PRSS37: variants seen among roughly 807,000 people sequenced by gnomAD.
PRSS37 encodes the protein probable inactive serine protease 37.
In PRSS37, 25 loss-of-function variants were observed where a neutral mutation model predicts 28.0. The observed-to-expected ratio is 0.89, with a 90% CI of 0.65 to 1.25. The LOEUF is 1.25. PRSS37 is among the 50% of genes most tolerant of loss of function. The pLI is 0.00. For synonymous variants in PRSS37, 109 were observed against 107.8 expected (o/e 1.01, Z -0.07); for missense variants, 282 against 292.2 (o/e 0.97, Z 0.25).
intron 2 of PRSS37, 136 bp downstream of exon 2, chr7:141,839,201 GC>G: frequency 1.3e-6 from 1 of 782,768 alleles, no homozygotes; most frequent in Non-Finnish European, 2.1e-6. Flanking sequence ...CAATAGCACT[GC>G]CCCCTGGTTG....
intron 2 of PRSS37, chr7:141,838,447 G>T: frequency 2.5e-6 from 3 of 1,183,442 alleles, no homozygotes; most frequent in Non-Finnish European, 3.2e-6. Flanking sequence ...TGTCCATTTT[G>T]GTGGAGACCA....
chr7:141,839,065 A>G (rs12703412), intron 2 of PRSS37: 298,529 of 603,198 alleles, frequency 0.49, 76,044 homozygotes, highest in East Asian at 0.77. Context: ...ATAACATGTA[A>G]CACAGGGTTC....
chr7:141,839,245 G>A, intron 2 of PRSS37, 93 bp downstream of exon 2: 2 of 1,320,954 alleles, frequency 1.5e-6, no homozygotes, highest in Non-Finnish European at 1.1e-6. Context: ...ACATTGCCAA[G>A]TGTACCCTGT....
In PRSS37 at chr7:141,837,145, C is replaced by T. The variant is rs753224792; in HGVS notation, c.534G>A (p.Val178=). The T allele has an allele frequency of 1.7e-5, 27 of 1,612,752 alleles. No individual in the cohort carries two copies. The highest frequency in any genetic ancestry group is 2.7e-5 in the African/African-American group (2 of 74,862). ...QGKSHRNSLC[V]KFVKVFSRIF... is the part of the protein sequence containing the mutation. ...TTCGGCTGAATACTTTCACAAATTTCACACATAAGGAATTCCTGTGGCTTT... is the reference window on the plus strand; with the variant it reads ...TTCGGCTGAATACTTTCACAAATTTTACACATAAGGAATTCCTGTGGCTTT... The change falls in exon 4 of 5, where the codon GTG becomes GTA. Residue 178 remains valine (V), a synonymous_variant. Coordinates refer to ENST00000350549, the MANE Select transcript of PRSS37 (RefSeq NM_001008270.3).
chr7:141,839,126 G>A (rs755344105), intron 2 of PRSS37: 20 of 640,698 alleles, frequency 3.1e-5, no homozygotes, highest in Non-Finnish European at 4.8e-5. Context: ...TTTATTGTGG[G>A]GACTGTGCTG....
chr7:141,839,690 TATTC>T (rs1454570959), intron 1 of PRSS37, among the ~76,000 whole-genome samples: 3 of 152,146 alleles, frequency 2.0e-5, no homozygotes, highest in Non-Finnish European at 2.9e-5. Flanking sequence ...ATATTGATAA[TATTC>T]AATCTAAGAG....
intron 2 of PRSS37, chr7:141,838,401 A>C (rs1222043424): frequency 6.3e-6 from 8 of 1,272,644 alleles, no homozygotes; most frequent in Non-Finnish European, 8.0e-6. Context: ...ATGCATGTCA[A>C]GGAAATGTAA....
At chr7:141,836,616 T>C in intron 4 of PRSS37, 81 bp from the exon 5 acceptor site, 1 of 1,498,616 alleles carries the variant, frequency 6.7e-7, no homozygotes. Flanking sequence ...GTGTCCCGCT[T>C]GGGTGAGCCC....
intron 2 of PRSS37, 24 bp from the exon 3 acceptor site, chr7:141,838,137 A>AGTC (rs1554430795): frequency 6.8e-7 from 1 of 1,475,328 alleles, no homozygotes; most frequent in Non-Finnish European, 9.2e-7. Flanking sequence ...GGTTGGAAGT[A>AGTC]ATCATCATCA....
At position 141,839,382 on chromosome 7, in the gene PRSS37, G is replaced by A. The variant is rs777420090; in HGVS notation, c.132C>T (p.Leu44=). 2 of 1,613,918 alleles carry A rather than the reference G, an allele frequency of 1.2e-6. No individual in the cohort carries two copies. Among genetic ancestry groups the A allele is most frequent in the African/African-American group, 1.3e-5 (1 of 75,032 alleles). ...GGGCCAGCACCCAGCTGGGTTTGAT[G>A]AGGACGCCCACACAGGGGTTGAAGT... The part of the protein sequence containing the change: ...KSHFNPCVGV[L]IKPSWVLAPA... Residue 44 remains leucine, a synonymous_variant, in exon 2 of 5, where the codon CTC becomes CTT. Transcript: ENST00000350549.
rs1801144028 is a variant in PRSS37 at position 141,841,341 on chromosome 7, A to C, written c.-292T>G. On this transcript the variant is annotated 5_prime_UTR_variant, in exon 1 of 5. Transcript: ENST00000350549. ...CTCCTTCTATCTGCTGCCCCTAAAA[A>C]CACATCTGTTTGAAGGTAGTTCAGT... 1.7e-5 allele frequency: 7 copies of C among 412,654 alleles called. No individual in the cohort carries two copies. The highest frequency in any genetic ancestry group is 1.7e-4 in the South Asian group (7 of 42,360). The allele number at this position is 412,654 out of a possible 1,614,324, so 25.6% of individuals were successfully genotyped here.
At chr7:141,838,209 T>A (rs1172263153) in intron 2 of PRSS37, 96 bp from the exon 3 acceptor site, 2 of 1,554,558 alleles carry the variant, frequency 1.3e-6, no homozygotes, top group Non-Finnish European at 1.7e-6. Context: ...ACCAAGTGCT[T>A]TTTCTGGATT....
Position 141,841,031 on chromosome 7 carries a change from A to G in PRSS37, c.19T>C (p.Leu7=). Residue 7 remains leucine, a synonymous_variant, in exon 1 of 5, where the codon TTG becomes CTG. Transcript: ENST00000350549. The stretch of plus-strand genomic sequence containing the variant: ...GAGTACATACCAGCGAGGACACCCA[A>G]ATAGAAGACATATTTCATGGTGATC... MKYVFY[L]GVLAGTFFFA... is the part of the protein sequence containing the mutation. The G allele has an allele frequency of 6.2e-7, 1 of 1,613,864 alleles. No individual in the cohort carries two copies. The highest frequency in any genetic ancestry group is 8.5e-7 in the Non-Finnish European group (1 of 1,179,748).
Position 141,836,403 on chromosome 7 carries a change from C to T in PRSS37, c.700G>A (p.Asp234Asn), listed in dbSNP as rs1177227471. 7 of 1,613,980 alleles carry T rather than the reference C, an allele frequency of 4.3e-6. No homozygotes were observed. Among genetic ancestry groups the T allele is most frequent in the Non-Finnish European group, 5.1e-6 (6 of 1,180,000 alleles). The change falls in exon 5 of 5, where the codon GAC becomes AAC. Residue 234 changes from aspartate (D) to asparagine (N), a missense_variant. Transcript: ENST00000350549. Reference sequence around the variant, plus strand: ...GAGGGAGAAGTAGGGTCTCACTTGTCCTTAGCAGTGTTCTCAATCCAGGAT... The same window carrying T: ...GAGGGAGAAGTAGGGTCTCACTTGTTCTTAGCAGTGTTCTCAATCCAGGAT... ...YVSWIENTAK[D>N]K
intron 3 of PRSS37, 69 bp from the exon 4 acceptor site, chr7:141,837,317 C>A: frequency 6.7e-7 from 1 of 1,499,722 alleles, no homozygotes; most frequent in South Asian, 1.3e-5. Context: ...TGACCACCAG[C>A]CTCTATTTCA....
At chr7:141,836,802 A>G (rs1474628534) in intron 4 of PRSS37, among the ~76,000 whole-genome samples, 1 of 152,182 alleles carries the variant, frequency 6.6e-6, no homozygotes, top group South Asian at 2.1e-4. Flanking sequence ...TGAACTGGTG[A>G]AGGCATTTTC....
Position 141,836,374 on chromosome 7 carries a change from T to C in PRSS37, c.*21A>G, listed in dbSNP as rs1387985173. On this transcript the variant is annotated 3_prime_UTR_variant, in exon 5 of 5. Coordinates refer to ENST00000350549, the MANE Select transcript of PRSS37 (RefSeq NM_001008270.3). ...ATAGTCCATGGCAGAGCCAGTGGAA[T>C]GCAGAGGGAGAAGTAGGGTCTCACT... The C allele has an allele frequency of 2.5e-6, 4 of 1,612,764 alleles. No individual in the cohort carries two copies. The highest frequency in any genetic ancestry group is 3.4e-6 in the Non-Finnish European group (4 of 1,178,896).
At chr7:141,839,699 T>A (rs1801095470) in intron 1 of PRSS37, among the ~76,000 whole-genome samples, 1 of 152,124 alleles carries the variant, frequency 6.6e-6, no homozygotes. Flanking sequence ...ATATTCAATC[T>A]AAGAGAGTAT....
At position 141,839,324 on chromosome 7, in the gene PRSS37, C is replaced by T. The variant is rs1282388581; in HGVS notation, c.176+14G>A. On this transcript the variant is annotated intron_variant, in intron 2 of 4. Coordinates refer to ENST00000350549, the MANE Select transcript of PRSS37 (RefSeq NM_001008270.3). ...AGTAGCTGTTTTGGGGATGGGGATG[C>T]CCAAATACTCAACGGTAAATAGCAG... 3 of 1,612,942 alleles carry T rather than the reference C, an allele frequency of 1.9e-6. No individual in the cohort carries two copies. Among genetic ancestry groups the T allele is most frequent in the East Asian group, 2.2e-5 (1 of 44,878 alleles).
Sources: gnomAD v4.1 joint callset for allele counts (sites outside exome capture counted in the v4.1 genomes callset) on GRCh38, gnomAD v4.1.1 for gene constraint, MANE v1.5 for transcripts, NCBI Gene and HGNC (gene_info 2026-07-23, HGNC 2026-07-21) for gene names.